The following DOCK1 variants were observed in gnomAD, a reference collection of about 807,000 sequenced individuals.
The protein encoded by DOCK1 is dedicator of cytokinesis 1.
DOCK1 carries 138 observed loss-of-function variants against 262.7 expected under a neutral mutation model. The observed-to-expected ratio is 0.53, with a 90% CI of 0.46 to 0.61. The LOEUF is 0.61. Ranked by LOEUF, DOCK1 falls within the 20% of genes least tolerant of loss-of-function variation. The probability of loss-of-function intolerance (pLI) is 0.00; values close to 1 mark genes in which losing one functional copy is unlikely to be tolerated. For synonymous variants in DOCK1, 866 were observed against 867.4 expected (o/e 1.00, Z 0.03); for missense variants, 1,908 against 2,370.7 (o/e 0.80, Z 4.05).
chr10:127,180,987 A>G (rs559300041), intron 27 of DOCK1, among the ~76,000 whole-genome samples: 1 of 152,316 alleles, frequency 6.6e-6, no homozygotes, highest in African/African-American at 2.4e-5. Flanking sequence ...GCCAATGAAA[A>G]TAACACAAGG....
intron 1 of DOCK1, among the ~76,000 whole-genome samples, chr10:126,968,930 A>T (rs555462786): frequency 6.6e-6 from 1 of 152,362 alleles, no homozygotes; most frequent in East Asian, 1.9e-4. Flanking sequence ...ATATAGGAAG[A>T]TACCTGAGGA....
In DOCK1 at chr10:126,935,150, A is replaced by G. The variant is rs1169423185; in HGVS notation, c.46+29587A>G. Among the ~76,000 whole-genome samples, 3 of 152,338 alleles carry G rather than the reference A, an allele frequency of 2.0e-5. No individual in the cohort carries two copies. In the East Asian group the frequency reaches 5.8e-4, roughly 29 times the overall value. On this transcript the variant is annotated intron_variant, in intron 1 of 51. Coordinates refer to ENST00000623213, the MANE Select transcript of DOCK1 (RefSeq NM_001290223.2). ...TAAAACTTTTTTTGGAATGTAGACT[A>G]TTATATCATAACCACATAAAAAGCC...
chr10:127,418,291 G>GGAGGAGCAGGAAGCCTGCCCCAGAGCACA, intron 44 of DOCK1, 74 bp from the exon 45 acceptor site: 1 of 1,451,796 alleles, frequency 6.9e-7, no homozygotes, highest in Non-Finnish European at 9.2e-7. Context: ...CCCAGAGCAC[G>GGAGGAGCAGGAAGCCTGCCCCAGAGCACA]TGGCTCCTCT....
chr10:127,011,269 A>G (rs1195974535), intron 11 of DOCK1, among the ~76,000 whole-genome samples: 2 of 152,230 alleles, frequency 1.3e-5, no homozygotes, highest in Non-Finnish European at 2.9e-5. Context: ...TGTCGTGCTA[A>G]TGAAACCATT....
At chr10:127,036,344 G>C (rs1326270967) in intron 18 of DOCK1, among the ~76,000 whole-genome samples, 1 of 152,072 alleles carries the variant, frequency 6.6e-6, no homozygotes, top group East Asian at 1.9e-4. Flanking sequence ...TTTGTCAGCT[G>C]TACTTGTTTT....
intron 28 of DOCK1, among the ~76,000 whole-genome samples, 177 bp from the exon 29 acceptor site, chr10:127,257,158 C>T (rs2059855193): frequency 6.6e-6 from 1 of 152,134 alleles, no homozygotes; most frequent in African/African-American, 2.4e-5. Flanking sequence ...AGGAGGTGCT[C>T]AGGTAAACAG....
At chr10:127,120,367 A>G (rs2049478706) in intron 25 of DOCK1, among the ~76,000 whole-genome samples, 1 of 152,246 alleles carries the variant, frequency 6.6e-6, no homozygotes, top group Admixed American at 6.5e-5. Flanking sequence ...CAGAAATAGA[A>G]TGTGAGCCGT....
chr10:126,935,279 G>A (rs2034491832), intron 1 of DOCK1, among the ~76,000 whole-genome samples: 1 of 152,124 alleles, frequency 6.6e-6, no homozygotes, highest in Non-Finnish European at 1.5e-5. Context: ...TAGTGATTGT[G>A]TGGCTTTAAT....
chr10:127,346,528 C>T (rs373702985), intron 31 of DOCK1, among the ~76,000 whole-genome samples: 2 of 152,066 alleles, frequency 1.3e-5, no homozygotes, highest in African/African-American at 2.4e-5. Context: ...CCCAGGGGGT[C>T]GGGGCTGCAG....
In DOCK1 at chr10:127,138,867, G is replaced by A. The variant is rs191637270; in HGVS notation, c.2847+11103G>A. ...CTGTCAACTTGTCTAGAGCCCTCTC[G>A]TCTCCATGTCTTTGAAAAGGACCAC... On this transcript the variant is annotated intron_variant, in intron 27 of 51. Transcript: ENST00000623213. Among the ~76,000 whole-genome samples the A allele has an allele frequency of 4.7e-3, 719 of 152,262 alleles. 3 individuals are homozygous for A. Among genetic ancestry groups the A allele is most frequent in the Non-Finnish European group, 8.5e-3 (579 of 68,010 alleles).
intron 46 of DOCK1, among the ~76,000 whole-genome samples, chr10:127,421,839 A>G (rs1259713591): frequency 1.3e-5 from 2 of 152,196 alleles, no homozygotes; most frequent in African/African-American, 4.8e-5. Context: ...ACTCCATTAT[A>G]GGGCTAGACC....
intron 21 of DOCK1, 132 bp downstream of exon 21, chr10:127,043,296 T>G (rs2044139780): frequency 9.8e-6 from 7 of 717,102 alleles, no homozygotes; most frequent in Non-Finnish European, 1.4e-5. Context: ...ACTGGAATAA[T>G]TTTTAGTATT....
At chr10:127,019,732 G>T (rs1015110062) in intron 13 of DOCK1, among the ~76,000 whole-genome samples, 2 of 152,208 alleles carry the variant, frequency 1.3e-5, no homozygotes, top group Non-Finnish European at 2.9e-5. Context: ...CTGGGCGACA[G>T]ATTGAGACCC....
chr10:127,268,500 C>T (rs552930090), intron 29 of DOCK1, among the ~76,000 whole-genome samples: 19 of 874 alleles, frequency 0.022, no homozygotes, highest in African/African-American at 0.061. Context: ...CGAGACTCCA[C>T]CTCAAAAAAA....
At position 127,272,838 on chromosome 10, in the gene DOCK1, T is replaced by C. The variant is rs1295466951; in HGVS notation, c.3044+15409T>C. Among the ~76,000 whole-genome samples, 4 of 152,330 alleles carry C rather than the reference T, an allele frequency of 2.6e-5. No individual in the cohort carries two copies. In the East Asian group the frequency reaches 7.7e-4, roughly 29 times the overall value. On this transcript the variant is annotated intron_variant, in intron 29 of 51. Transcript: ENST00000623213. ...ACGGTGGCAGACAAGAGAAGAGAGC[T>C]TGTGCATGGAAACTCTTCTTTTTAA...
intron 38 of DOCK1, among the ~76,000 whole-genome samples, chr10:127,385,292 G>A (rs1305753992): frequency 1.3e-5 from 2 of 152,072 alleles, no homozygotes; most frequent in African/African-American, 4.8e-5. Context: ...CCATCCTGGT[G>A]GCTTCTAGTT....
Position 127,204,586 on chromosome 10 carries a change from CG to C in DOCK1, c.2848-43421del, listed in dbSNP as rs1277428977. On this transcript the variant is annotated intron_variant, in intron 27 of 51. Coordinates refer to ENST00000623213, the MANE Select transcript of DOCK1 (RefSeq NM_001290223.2). Reference sequence around the variant, plus strand: ...ACTGGCGTGAGCCACCGTGCCTGACCGTTTTTTTAAAAAAAAATAGAGATGG... The same window carrying C: ...ACTGGCGTGAGCCACCGTGCCTGACCTTTTTTTAAAAAAAAATAGAGATGG... Among the ~76,000 whole-genome samples, 6 of 152,168 alleles carry C rather than the reference CG, an allele frequency of 3.9e-5. No homozygotes were observed. The East Asian group carries it at 1.2e-3, about 29-fold the overall frequency.
chr10:127,074,189 A>G (rs1452007488), intron 23 of DOCK1, among the ~76,000 whole-genome samples: 1 of 152,252 alleles, frequency 6.6e-6, no homozygotes. Flanking sequence ...TTGTGTATGT[A>G]TTGATGAAAT....
intron 23 of DOCK1, among the ~76,000 whole-genome samples, chr10:127,070,284 C>T (rs569496322): frequency 1.3e-3 from 149 of 117,054 alleles, no homozygotes; most frequent in African/African-American, 3.4e-3. Flanking sequence ...GATGGAGTCT[C>T]GCCCTGTCAC....
Sources: allele counts gnomAD v4.1 joint callset (sites outside exome capture counted in the v4.1 genomes callset), GRCh38; gene constraint gnomAD v4.1.1; transcripts MANE v1.5; gene names NCBI Gene and HGNC (gene_info 2026-07-23, HGNC 2026-07-21).